The following TSPAN31 variants were observed in gnomAD, a reference collection of about 807,000 sequenced individuals.
TSPAN31 encodes tetraspanin-31.
TSPAN31 carries 16 observed loss-of-function variants against 24.8 expected under a neutral mutation model. The ratio of observed to expected loss-of-function variants is 0.64; its 90% CI spans 0.44 to 0.98. The LOEUF (loss-of-function observed/expected upper bound fraction) is 0.98. Ranked by LOEUF, TSPAN31 falls within the 50% of genes least tolerant of loss-of-function variation. The probability of loss-of-function intolerance (pLI) is 0.00; values close to 1 mark genes in which losing one functional copy is unlikely to be tolerated. For missense variants in TSPAN31, 209 were observed against 251.6 expected (o/e 0.83, Z 1.15); for synonymous variants, 87 against 91.4 (o/e 0.95, Z 0.27).
Position 57,748,708 on chromosome 12 carries a change from CTTTTTTT to C in TSPAN31, c.*1427_*1433del, listed in dbSNP as rs545773931. On this transcript the variant is annotated 3_prime_UTR_variant, in exon 6 of 6. Coordinates refer to ENST00000257910, the MANE Select transcript of TSPAN31 (RefSeq NM_005981.5). Reference sequence around the variant, plus strand: ...CCTGGGATGAGCTTTCTTCTTTTTTCTTTTTTTTTTTTTTTGAGACGGAGTCTCGCTC... The same window carrying C: ...CCTGGGATGAGCTTTCTTCTTTTTTCTTTTTTTTGAGACGGAGTCTCGCTC... 9.1e-5 allele frequency: 63 copies of C among 693,960 alleles called. No homozygotes were observed. Among genetic ancestry groups the C allele is most frequent in the African/African-American group, 3.8e-4 (20 of 52,176 alleles). The allele number at this position is 693,960 out of a possible 1,614,324, so 43.0% of individuals were successfully genotyped here. A position where few individuals can be genotyped will look rare whatever the true frequency, so the allele number is the denominator to read the frequency against.
Position 57,748,693 on chromosome 12 carries a change from GCTTT to G in TSPAN31, c.*1407_*1410del, listed in dbSNP as rs1305935861. 2 of 952,810 alleles carry G rather than the reference GCTTT, an allele frequency of 2.1e-6. No individual in the cohort carries two copies. Among genetic ancestry groups the G allele is most frequent in the East Asian group, 2.4e-5 (1 of 41,706 alleles). 59.0% of individuals were successfully genotyped at this position (952,810 alleles called of 1,614,324 possible). On this transcript the variant is annotated 3_prime_UTR_variant, in exon 6 of 6. Transcript: ENST00000257910. ...CCACCCACAACAATACCTGGGATGAGCTTTCTTCTTTTTTCTTTTTTTTTTTTTT... is the reference window on the plus strand; with the variant it reads ...CCACCCACAACAATACCTGGGATGAGCTTCTTTTTTCTTTTTTTTTTTTTT...
At position 57,749,239 on chromosome 12, in the gene TSPAN31, G is replaced by A. The variant is rs753908111; in HGVS notation, c.*1949G>A. 2.5e-6 allele frequency: 4 copies of A among 1,614,086 alleles called. No individual in the cohort carries two copies. Among genetic ancestry groups the A allele is most frequent in the Admixed American group, 1.7e-5 (1 of 60,012 alleles). Reference sequence around the variant, plus strand: ...CAGGTACCACCGACTGCACTGGGCGGGGCCCTCTGGGGGGAAAGGCTCCAC... The same window carrying A: ...CAGGTACCACCGACTGCACTGGGCGAGGCCCTCTGGGGGGAAAGGCTCCAC... On this transcript the variant is annotated 3_prime_UTR_variant, in exon 6 of 6. Transcript: ENST00000257910.
rs1265029463 is a variant in TSPAN31, at chr12:57,746,254, C to T, written c.310C>T (p.Gln104Ter). The T allele has an allele frequency of 3.1e-6, 5 of 1,613,070 alleles. No individual in the cohort carries two copies. Among genetic ancestry groups the T allele is most frequent in the Non-Finnish European group, 4.2e-6 (5 of 1,179,130 alleles). The change falls in exon 3 of 6, where the codon CAG (glutamine) becomes TAG (stop). Residue 104 changes from glutamine (Q) to a stop codon, truncating the protein, a stop_gained and splice_region_variant. Coordinates refer to ENST00000257910, the MANE Select transcript of TSPAN31 (RefSeq NM_005981.5). LOFTEE classifies it high-confidence loss of function. ...CSCLAINRSKQTDVINASWWV... is the reference protein window; with the variant it reads ...CSCLAINRSK ...ATGTCTGGCTATTAACCGAAGCAAA[C>T]AGGTAAGACAGTACCCTTTCAAGTA...
rs749477862 is a variant in TSPAN31 at position 57,748,532 on chromosome 12, G to A, written c.*1242G>A. ...TGGCAGCCACTCCATTGCTCACTCCGGATTACCTTCATCCTTATGTAGATA... is the reference window on the plus strand; with the variant it reads ...TGGCAGCCACTCCATTGCTCACTCCAGATTACCTTCATCCTTATGTAGATA... On this transcript the variant is annotated 3_prime_UTR_variant, in exon 6 of 6. Coordinates refer to ENST00000257910, the MANE Select transcript of TSPAN31 (RefSeq NM_005981.5). 1.2e-5 allele frequency: 19 copies of A among 1,610,828 alleles called. No homozygotes were observed. Among genetic ancestry groups the A allele is most frequent in the African/African-American group, 6.7e-5 (5 of 74,820 alleles).
At position 57,747,385 on chromosome 12, in the gene TSPAN31, A is replaced by C; in HGVS notation, c.*95A>C. On this transcript the variant is annotated 3_prime_UTR_variant, in exon 6 of 6. Transcript: ENST00000257910. ...GGGTCTGTAACCGTTTTGGTTTGAG[A>C]AAAAGGAAAGGCCCCTTGTCACATC... 1 of 1,178,296 alleles carries C rather than the reference A, an allele frequency of 8.5e-7. No individual in the cohort carries two copies. Among genetic ancestry groups the C allele is most frequent in the African/African-American group, 1.5e-5 (1 of 64,686 alleles). The allele number at this position is 1,178,296 out of a possible 1,614,324, so 73.0% of individuals were successfully genotyped here. A position where few individuals can be genotyped will look rare whatever the true frequency, so the allele number is the denominator to read the frequency against.
Position 57,745,791 on chromosome 12 carries a change from TG to T in TSPAN31, c.113del (p.Gly38ValfsTer42). The T allele has an allele frequency of 6.2e-7, 1 of 1,613,592 alleles. No homozygotes were observed. The highest frequency in any genetic ancestry group is 8.5e-7 in the Non-Finnish European group (1 of 1,179,894). On this transcript the variant is annotated frameshift_variant, in exon 2 of 6. Transcript: ENST00000257910. LOFTEE classifies it high-confidence loss of function. Reference protein sequence around the residue: ...LIGVAAWGKGLGLVSSIHIIG... With the variant: ...LIGVAAWGKGXGLVSSIHIIG... ...GGAGTGGCTGCTTGGGGCAAGGGCC[TG>T]GGTCTGGTGTCCAGCATCCACATCA... is the stretch of plus-strand genomic sequence containing the variant.
chr12:57,748,289 A>C lies in TSPAN31; in HGVS notation c.*999A>C, dbSNP rs1415298343. ...TGTATAAAAAAGGACCCCAAATATA[A>C]AGGTAGGGAAAGGGACAAGAGGGAA... On this transcript the variant is annotated 3_prime_UTR_variant, in exon 6 of 6. Transcript: ENST00000257910. 8.5e-6 allele frequency: 4 copies of C among 468,284 alleles called. No homozygotes were observed. In the Admixed American group the frequency reaches 1.1e-4, roughly 13 times the overall value. 29.0% of individuals were successfully genotyped at this position (468,284 alleles called of 1,614,324 possible). A position where few individuals can be genotyped will look rare whatever the true frequency, so the allele number is the denominator to read the frequency against.
Position 57,745,907 on chromosome 12 carries a change from T to C in TSPAN31, c.226T>C (p.Phe76Leu), listed in dbSNP as rs2640601. 1.0e-4 allele frequency: 163 copies of C among 1,602,748 alleles called. No homozygotes were observed. The highest frequency in any genetic ancestry group is 1.3e-4 in the Non-Finnish European group (155 of 1,175,028). The change falls in exon 2 of 6, where the codon TTC becomes CTC. Residue 76 changes from phenylalanine (F) to leucine (L), a missense_variant. Physicochemically the swap from Phe to Leu is conservative, Grantham distance 22. Coordinates refer to ENST00000257910, the MANE Select transcript of TSPAN31 (RefSeq NM_005981.5). ...GAVNHHQVLL[F>L]FYMIILGLVF... is the part of the protein sequence containing the mutation. ...TGTCAACCACCACCAAGTCCTGCTG[T>C]TCTTTGTATCCTGACCTGAAGTGAT...
chr12:57,745,937 G>A (rs759125583), intron 2 of TSPAN31, 25 bp downstream of exon 2: 1 of 1,571,116 alleles, frequency 6.4e-7, no homozygotes, highest in Non-Finnish European at 8.6e-7. Context: ...AGTGATGGGG[G>A]CAACCGGGGG....
In TSPAN31 at chr12:57,749,492, A is replaced by G. The variant is rs751861614; in HGVS notation, c.*2202A>G. On this transcript the variant is annotated 3_prime_UTR_variant, in exon 6 of 6. Transcript: ENST00000257910. ...CCAACTGGTCGGCTTCAGAGTTTCCACAGAAGAGAGGCCTAAGGTGAGAAG... is the reference window on the plus strand; with the variant it reads ...CCAACTGGTCGGCTTCAGAGTTTCCGCAGAAGAGAGGCCTAAGGTGAGAAG... 3.7e-6 allele frequency: 6 copies of G among 1,614,202 alleles called. No individual in the cohort carries two copies. In the Admixed American group the frequency reaches 8.3e-5, roughly 22 times the overall value.
chr12:57,745,257 G>A (rs1295141534), intron 1 of TSPAN31, 40 bp downstream of exon 1: 1 of 1,592,636 alleles, frequency 6.3e-7, no homozygotes, highest in Non-Finnish European at 8.6e-7. Context: ...AGGCGGAAAG[G>A]CCCCGTGGGG....
intron 2 of TSPAN31, 33 bp downstream of exon 2, chr12:57,745,945 G>A (rs1955143166): frequency 6.4e-7 from 1 of 1,561,310 alleles, no homozygotes; most frequent in Non-Finnish European, 8.6e-7. Flanking sequence ...GGGCAACCGG[G>A]GGCTTGGGAG....
In TSPAN31 at chr12:57,747,753, T is replaced by C. The variant is rs573384320; in HGVS notation, c.*463T>C. 1 of 160,232 alleles carries C rather than the reference T, an allele frequency of 6.2e-6. No individual in the cohort carries two copies. The highest frequency in any genetic ancestry group is 2.4e-5 in the African/African-American group (1 of 41,692). The allele number at this position is 160,232 out of a possible 1,614,324, so 9.9% of individuals were successfully genotyped here. Reference sequence around the variant, plus strand: ...CCATTTAAAAATCTATATTCTTTTTTTTTTTTTGACACAGAGTCTTGCTCT... The same window carrying C: ...CCATTTAAAAATCTATATTCTTTTTCTTTTTTTGACACAGAGTCTTGCTCT... On this transcript the variant is annotated 3_prime_UTR_variant, in exon 6 of 6. Transcript: ENST00000257910.
At position 57,750,196 on chromosome 12, in the gene TSPAN31, T is replaced by TAAATAAATAAAA. The variant is rs1272401139; in HGVS notation, c.*2909_*2910insTAAATAAAAAAA. ...ATAAATAAATAAATAAATAAATAAA[T>TAAATAAATAAAA]AAAAAATAAAGAGAATAAAGGGATA... On this transcript the variant is annotated 3_prime_UTR_variant, in exon 6 of 6. Coordinates refer to ENST00000257910, the MANE Select transcript of TSPAN31 (RefSeq NM_005981.5). The TAAATAAATAAAA allele has an allele frequency of 2.5e-5, 3 of 118,714 alleles. No individual in the cohort carries two copies. The highest frequency in any genetic ancestry group is 2.5e-4 in the Admixed American group (3 of 12,008). 7.4% of individuals were successfully genotyped at this position (118,714 alleles called of 1,614,324 possible). A position where few individuals can be genotyped will look rare whatever the true frequency, so the allele number is the denominator to read the frequency against.
chr12:57,747,571 T>C lies in TSPAN31; in HGVS notation c.*281T>C. On this transcript the variant is annotated 3_prime_UTR_variant, in exon 6 of 6. Transcript: ENST00000257910. ...GGGGGCTGGAGTCATTCTTAGCTGT[T>C]TCCCTTCCTCTGTCCATATACTGGA... 1 of 360,958 alleles carries C rather than the reference T, an allele frequency of 2.8e-6. No individual in the cohort carries two copies. The highest frequency in any genetic ancestry group is 5.1e-6 in the Non-Finnish European group (1 of 196,118). The allele number at this position is 360,958 out of a possible 1,614,324, so 22.4% of individuals were successfully genotyped here. A position where few individuals can be genotyped will look rare whatever the true frequency, so the allele number is the denominator to read the frequency against.
chr12:57,747,058 A>G lies in TSPAN31; in HGVS notation c.485A>G (p.Glu162Gly). 1 of 1,614,236 alleles carries G rather than the reference A, an allele frequency of 6.2e-7. No homozygotes were observed. The highest frequency in any genetic ancestry group is 1.1e-5 in the South Asian group (1 of 91,090). Residue 162 changes from glutamate to glycine, a missense_variant, in exon 5 of 6, where the codon GAA becomes GGA. Transcript: ENST00000257910. The part of the protein sequence containing the change: ...SQSPTCQMCG[E>G]KFLKHSDEAL... ...AGCCCCACATGCCAGATGTGTGGAG[A>G]AAAGTTTCTTAAGCATTCAGACGAA... is the stretch of plus-strand genomic sequence containing the variant.
chr12:57,745,599 C>A, intron 1 of TSPAN31, 146 bp from the exon 2 acceptor site: 1 of 1,018,712 alleles, frequency 9.8e-7, no homozygotes, highest in Non-Finnish European at 1.4e-6. Context: ...AGGGATGCTC[C>A]CGGTGCGGAT....
chr12:57,748,437 G>T lies in TSPAN31; in HGVS notation c.*1147G>T. On this transcript the variant is annotated 3_prime_UTR_variant, in exon 6 of 6. Coordinates refer to ENST00000257910, the MANE Select transcript of TSPAN31 (RefSeq NM_005981.5). Reference sequence around the variant, plus strand: ...GAAAGATGGAGGAGGACCCTCCATAGCCTCAGAGATAAAGGCAAAGATTGC... The same window carrying T: ...GAAAGATGGAGGAGGACCCTCCATATCCTCAGAGATAAAGGCAAAGATTGC... The T allele has an allele frequency of 1.1e-6, 1 of 946,250 alleles. No homozygotes were observed. 58.6% of individuals were successfully genotyped at this position (946,250 alleles called of 1,614,324 possible). A position where few individuals can be genotyped will look rare whatever the true frequency, so the allele number is the denominator to read the frequency against.
In TSPAN31 at chr12:57,745,877, G is replaced by A; in HGVS notation, c.196G>A (p.Gly66Ser). Residue 66 changes from glycine to serine, a missense_variant, in exon 2 of 6, where the codon GGT becomes AGT. By Grantham distance (56) the Gly-to-Ser change is moderately conservative. Transcript: ENST00000257910. ...CCTTATTGCAGTGGCTGGACTGGTG[G>A]GTGCTGTCAACCACCACCAAGTCCT... ...LLLIAVAGLV[G>S]AVNHHQVLLF... The A allele has an allele frequency of 1.2e-6, 2 of 1,611,734 alleles. No homozygotes were observed. Among genetic ancestry groups the A allele is most frequent in the South Asian group, 1.1e-5 (1 of 90,940 alleles).
Sources: allele counts gnomAD v4.1 joint callset, GRCh38; gene constraint gnomAD v4.1.1; transcripts MANE v1.5; gene names NCBI Gene and HGNC (gene_info 2026-07-23, HGNC 2026-07-21).